SORCS2: variants seen among roughly 807,000 people sequenced by gnomAD.
SORCS2 encodes the protein VPS10 domain-containing receptor SorCS2.
A neutral mutation model predicts 141.6 loss-of-function variants in SORCS2; 100 were observed. The observed-to-expected ratio is 0.71, with a 90% CI of 0.60 to 0.83. The LOEUF (loss-of-function observed/expected upper bound fraction) is 0.83. SORCS2 is among the 40% of genes least tolerant of loss of function. The pLI is 0.00. For synonymous variants in SORCS2, 789 were observed against 676.9 expected, an observed-to-expected ratio of 1.17 and a Z score of -2.57; for missense variants, 1,646 against 1,560.2, an observed-to-expected ratio of 1.05 and a Z score of -0.93.
intron 3 of SORCS2, among the ~76,000 whole-genome samples, chr4:7,620,536 C>G (rs1719096378): frequency 6.6e-6 from 1 of 152,212 alleles, no homozygotes; most frequent in Non-Finnish European, 1.5e-5. Context: ...GAAGCAGATT[C>G]CTGGGGAAGC....
chr4:7,355,313 A>C (rs1721182160), intron 1 of SORCS2, among the ~76,000 whole-genome samples: 1 of 152,110 alleles, frequency 6.6e-6, no homozygotes. Context: ...CCACCATCGC[A>C]CAGATCTCTC....
At chr4:7,734,417 G>T in intron 25 of SORCS2, 43 bp downstream of exon 25, 1 of 1,376,326 alleles carries the variant, frequency 7.3e-7, no homozygotes, top group Non-Finnish European at 9.8e-7. Context: ...TCTGACCATG[G>T]GGCCGTAGGA....
intron 2 of SORCS2, among the ~76,000 whole-genome samples, chr4:7,414,753 T>G (rs1725550202): frequency 2.0e-5 from 3 of 152,230 alleles, no homozygotes; most frequent in African/African-American, 7.2e-5. Flanking sequence ...AAATCTTTCA[T>G]TATAATTAGA....
intron 1 of SORCS2, among the ~76,000 whole-genome samples, chr4:7,250,925 C>T (rs1177167691): frequency 1.3e-5 from 2 of 152,228 alleles, no homozygotes; most frequent in African/African-American, 4.8e-5. Context: ...GGCCAGTGGG[C>T]GCAGGGCCAG....
chr4:7,700,583 G>T (rs539247418), intron 12 of SORCS2, among the ~76,000 whole-genome samples: 22 of 152,324 alleles, frequency 1.4e-4, no homozygotes, highest in Admixed American at 1.4e-3. Flanking sequence ...CAGGCCATCA[G>T]CTCCCTTGTC....
chr4:7,355,190 G>T (rs1721173211), intron 1 of SORCS2, among the ~76,000 whole-genome samples: 1 of 152,120 alleles, frequency 6.6e-6, no homozygotes, highest in Non-Finnish European at 1.5e-5. Context: ...ACGAGCTGGA[G>T]CCCAGGCACC....
At chr4:7,334,126 G>A (rs1369790597) in intron 1 of SORCS2, among the ~76,000 whole-genome samples, 1 of 152,072 alleles carries the variant, frequency 6.6e-6, no homozygotes, top group East Asian at 1.9e-4. Flanking sequence ...AAGAGCCCAC[G>A]AGGGCGGCAC....
At chr4:7,321,515 G>A (rs1336400462) in intron 1 of SORCS2, among the ~76,000 whole-genome samples, 1 of 152,150 alleles carries the variant, frequency 6.6e-6, no homozygotes, top group Non-Finnish European at 1.5e-5. Flanking sequence ...ACTCAATCCC[G>A]GGACTCTTTC....
chr4:7,195,025 T>C (rs1219818810), intron 1 of SORCS2, among the ~76,000 whole-genome samples: 1 of 150,492 alleles, frequency 6.6e-6, no homozygotes, highest in East Asian at 2.0e-4. Flanking sequence ...TGGGAGAGAG[T>C]TGAGGAGGGA....
chr4:7,296,980 G>A (rs940762968), intron 1 of SORCS2, among the ~76,000 whole-genome samples: 1 of 152,138 alleles, frequency 6.6e-6, no homozygotes, highest in African/African-American at 2.4e-5. Flanking sequence ...CCAGACACCA[G>A]CATCTTCCGG....
intron 2 of SORCS2, among the ~76,000 whole-genome samples, chr4:7,481,112 C>T (rs62277650): frequency 0.089 from 13,587 of 152,316 alleles, 642 homozygotes; most frequent in African/African-American, 0.12. Flanking sequence ...CTGGAGGGCC[C>T]TGTGAGCCAA....
intron 1 of SORCS2, among the ~76,000 whole-genome samples, chr4:7,343,475 C>T (rs569884648): frequency 3.3e-5 from 5 of 152,314 alleles, no homozygotes; most frequent in African/African-American, 4.8e-5. Context: ...TGCACAGCCC[C>T]GGGTTCAGCA....
chr4:7,529,108 T>G (rs1002225975), intron 2 of SORCS2, among the ~76,000 whole-genome samples: 1 of 152,132 alleles, frequency 6.6e-6, no homozygotes, highest in Non-Finnish European at 1.5e-5. Flanking sequence ...AAATCCACAC[T>G]CATGGGTTCT....
chr4:7,433,599 G>A (rs775759619), intron 2 of SORCS2: 2 of 1,611,602 alleles, frequency 1.2e-6, no homozygotes, highest in Non-Finnish European at 1.7e-6. Context: ...GCAGGATGCT[G>A]CAGCCACCCT....
At chr4:7,478,259 C>T (rs1045995996) in intron 2 of SORCS2, among the ~76,000 whole-genome samples, 8 of 152,136 alleles carry the variant, frequency 5.3e-5, no homozygotes, top group African/African-American at 1.7e-4. Context: ...ACTCAGCCTG[C>T]GAAGGAGGCT....
intron 1 of SORCS2, among the ~76,000 whole-genome samples, chr4:7,375,051 G>A (rs1307309629): frequency 3.3e-5 from 5 of 152,196 alleles, no homozygotes; most frequent in African/African-American, 9.6e-5. Flanking sequence ...AGTGACGAGG[G>A]TGTGGAATGT....
chr4:7,478,869 C>A (rs1167624514), intron 2 of SORCS2, among the ~76,000 whole-genome samples: 1 of 152,180 alleles, frequency 6.6e-6, no homozygotes, highest in East Asian at 1.9e-4. Context: ...GGTCGGGGAC[C>A]CTTCGGCTCT....
rs1218194107 is a variant in SORCS2 at position 7,233,413 on chromosome 4, A to G, written c.480+40287A>G. On this transcript the variant is annotated intron_variant, in intron 1 of 26. Transcript: ENST00000507866. The surrounding 1 kb of genome is among the most constrained non-coding windows in gnomAD (Gnocchi z 4.5). ...CCTCATCACGTCCTCCACAGCCTCC[A>G]CAGCAGCCCGCAGGTTGCCATCCTG... Among the ~76,000 whole-genome samples, 3 of 152,168 alleles carry G rather than the reference A, an allele frequency of 2.0e-5. No homozygotes were observed. Among genetic ancestry groups the G allele is most frequent in the Admixed American group, 6.5e-5 (1 of 15,282 alleles).
Position 7,264,263 on chromosome 4 carries a change from A to C in SORCS2, c.480+71137A>C, listed in dbSNP as rs140467965. On this transcript the variant is annotated intron_variant, in intron 1 of 26. Coordinates refer to ENST00000507866, the MANE Select transcript of SORCS2 (RefSeq NM_020777.3). ...TTCTCCAGCAAAGCGAGAAGAGAAC[A>C]GACCTGGCTCTGTGCAGCCCATGTC... 1.9e-3 allele frequency among the ~76,000 whole-genome samples: 284 copies of C among 152,354 alleles called. 2 individuals carry two copies. Among genetic ancestry groups the C allele is most frequent in the Middle Eastern group, 6.8e-3 (2 of 292 alleles).
Sources: gnomAD v4.1 joint callset for allele counts (sites outside exome capture counted in the v4.1 genomes callset) on GRCh38, gnomAD v4.1.1 for gene constraint, Gnocchi (gnomAD v3.1) non-coding constraint, MANE v1.5 for transcripts, NCBI Gene and HGNC (gene_info 2026-07-23, HGNC 2026-07-21) for gene names.